FRS2: variants seen among roughly 807,000 people sequenced by gnomAD.
The protein encoded by FRS2 is FGFR signalling adaptor.
Under a neutral mutation model 43.9 loss-of-function variants are expected in FRS2, and 8 were observed. The ratio of observed to expected loss-of-function variants is 0.18; its 90% CI spans 0.11 to 0.33. The LOEUF (loss-of-function observed/expected upper bound fraction) is 0.33, where lower values mean the gene tolerates loss of function less well. FRS2 is among the 10% of genes least tolerant of loss of function. The pLI, the probability that FRS2 is intolerant of heterozygous loss-of-function variation, is 1.00. For synonymous variants in FRS2, 219 were observed against 220.3 expected, an observed-to-expected ratio of 0.99 and a Z score of 0.05; for missense variants, 534 against 627.6, an observed-to-expected ratio of 0.85 and a Z score of 1.59.
intron 1 of FRS2, among the ~76,000 whole-genome samples, chr12:69,516,281 C>T (rs575605659): frequency 2.0e-5 from 3 of 151,198 alleles, no homozygotes; most frequent in South Asian, 4.2e-4. Context: ...TGCAATGGCG[C>T]GATCTCGGCT....
intron 3 of FRS2, among the ~76,000 whole-genome samples, chr12:69,550,851 T>C (rs1477681601): frequency 6.6e-6 from 1 of 152,208 alleles, no homozygotes; most frequent in Non-Finnish European, 1.5e-5. Flanking sequence ...AAACCAATAT[T>C]CTTTGTAGCT....
chr12:69,569,404 T>G lies in FRS2; in HGVS notation c.66+308T>G, dbSNP rs574787112. On this transcript the variant is annotated intron_variant, in intron 5 of 8. Coordinates refer to ENST00000549921, the MANE Select transcript of FRS2 (RefSeq NM_001278356.2). The stretch of plus-strand genomic sequence containing the variant: ...CTGTCTTTCAGTTATTATTTTCATG[T>G]GTGCCTGTGTGATTTCTTAACTGGA... Among the ~76,000 whole-genome samples the G allele has an allele frequency of 4.8e-4, 73 of 152,322 alleles. No individual in the cohort carries two copies. In the Middle Eastern group the frequency reaches 0.01, roughly 21 times the overall value.
intron 3 of FRS2, among the ~76,000 whole-genome samples, chr12:69,554,285 A>T (rs919148579): frequency 2.0e-5 from 3 of 152,208 alleles, no homozygotes; most frequent in Non-Finnish European, 2.9e-5. Flanking sequence ...AATCCTTTTC[A>T]TTCTACCACC....
chr12:69,471,809 A>G (rs767693257), intron 1 of FRS2, among the ~76,000 whole-genome samples: 2 of 152,226 alleles, frequency 1.3e-5, no homozygotes, highest in Non-Finnish European at 2.9e-5. Context: ...CAGTGACGCT[A>G]TCTGCAACTC....
chr12:69,561,574 T>C (rs996001559), intron 3 of FRS2, among the ~76,000 whole-genome samples: 11 of 152,238 alleles, frequency 7.2e-5, no homozygotes, highest in Admixed American at 4.6e-4. Flanking sequence ...TTGAAATCTC[T>C]TGTAACTCTG....
rs751200668 is a variant in FRS2, at chr12:69,571,352, A to C, written c.330A>C (p.Ile110=). 1.9e-6 allele frequency: 3 copies of C among 1,610,386 alleles called. No homozygotes were observed. In the East Asian group the frequency reaches 6.7e-5, roughly 36 times the overall value. ...MLQEIMQNNS[I]NVVEEPVVER... is the part of the protein sequence containing the mutation. ...AAGAGATTATGCAAAATAATAGTAT[A>C]AATGTGGTGGAAGAGCCAGTTGTAG... The change falls in exon 7 of 9, where the codon ATA becomes ATC. Residue 110 remains isoleucine, a synonymous_variant. Transcript: ENST00000549921.
At chr12:69,541,220 G>A (rs1373357647) in intron 3 of FRS2, among the ~76,000 whole-genome samples, 4 of 152,122 alleles carry the variant, frequency 2.6e-5, no homozygotes, top group African/African-American at 7.2e-5. Context: ...TTTAGTAAAG[G>A]AGGATATCAG....
intron 1 of FRS2, among the ~76,000 whole-genome samples, chr12:69,515,595 ACACATACTCACACC>A (rs1310345553): frequency 6.6e-6 from 1 of 152,112 alleles, no homozygotes; most frequent in African/African-American, 2.4e-5. Context: ...TCACACACAT[ACACATACTCACACC>A]CACTCCTCGA....
intron 1 of FRS2, among the ~76,000 whole-genome samples, chr12:69,496,093 A>C (rs1342271628): frequency 6.6e-6 from 1 of 152,156 alleles, no homozygotes; most frequent in Non-Finnish European, 1.5e-5. Context: ...TTTTTTTGAT[A>C]AATGGTCAAA....
At chr12:69,540,929 A>G (rs1023921457) in intron 3 of FRS2, among the ~76,000 whole-genome samples, 5 of 152,206 alleles carry the variant, frequency 3.3e-5, no homozygotes, top group Admixed American at 2.6e-4. Flanking sequence ...AAATTCCAAG[A>G]GAGGAGAGGC....
At chr12:69,487,865 T>C (rs911163858) in intron 1 of FRS2, among the ~76,000 whole-genome samples, 3 of 152,182 alleles carry the variant, frequency 2.0e-5, no homozygotes, top group South Asian at 4.1e-4. Context: ...CCAGCTCTTA[T>C]AGATCTCTTT....
intron 3 of FRS2, among the ~76,000 whole-genome samples, chr12:69,553,261 C>T (rs111876684): frequency 3.3e-5 from 5 of 151,946 alleles, no homozygotes; most frequent in South Asian, 2.1e-4. Context: ...TTAGTAGAGA[C>T]GGGGTTTCAC....
chr12:69,505,337 A>G (rs60436216), intron 1 of FRS2, among the ~76,000 whole-genome samples: 1,564 of 152,338 alleles, frequency 0.01, 23 homozygotes, highest in African/African-American at 0.036. Context: ...GTGGTGGAAT[A>G]GTAGGATTCA....
In FRS2 at chr12:69,510,838, C is replaced by G. The variant is rs546271795; in HGVS notation, c.-260-20027C>G. ...TCTGTTTTTCATCTTTATGGGATAC[C>G]TGCTATAATAACATTAGTACCTGTG... On this transcript the variant is annotated intron_variant, in intron 1 of 8. Transcript: ENST00000549921. Among the ~76,000 whole-genome samples the G allele has an allele frequency of 7.9e-5, 12 of 152,134 alleles. No homozygotes were observed. In the South Asian group the frequency reaches 2.5e-3, roughly 32 times the overall value.
chr12:69,559,475 T>C (rs957690546), intron 3 of FRS2, among the ~76,000 whole-genome samples: 1 of 152,062 alleles, frequency 6.6e-6, no homozygotes, highest in Non-Finnish European at 1.5e-5. Flanking sequence ...TAAAGAAAGA[T>C]CTGTTTAGGA....
At chr12:69,498,892 T>G (rs965892353) in intron 1 of FRS2, among the ~76,000 whole-genome samples, 12 of 152,188 alleles carry the variant, frequency 7.9e-5, no homozygotes, top group African/African-American at 2.9e-4. Context: ...TTATTGAGCT[T>G]CTATTATGTA....
chr12:69,528,345 A>C (rs1876463209), intron 1 of FRS2, among the ~76,000 whole-genome samples: 1 of 152,212 alleles, frequency 6.6e-6, no homozygotes, highest in Non-Finnish European at 1.5e-5. Flanking sequence ...TAAAGGTAAC[A>C]GATAAATTTG....
At chr12:69,487,174 A>G (rs1319195663) in intron 1 of FRS2, among the ~76,000 whole-genome samples, 1 of 152,226 alleles carries the variant, frequency 6.6e-6, no homozygotes, top group East Asian at 1.9e-4. Flanking sequence ...ACTAATTTAG[A>G]TAATTGATGA....
At chr12:69,478,712 A>G (rs1871071474) in intron 1 of FRS2, among the ~76,000 whole-genome samples, 1 of 142,592 alleles carries the variant, frequency 7.0e-6, no homozygotes, top group Non-Finnish European at 1.5e-5. Flanking sequence ...TCTTACAAAG[A>G]CATACATCAT....
Sources: gnomAD v4.1 joint callset for allele counts (sites outside exome capture counted in the v4.1 genomes callset) on GRCh38, gnomAD v4.1.1 for gene constraint, MANE v1.5 for transcripts, NCBI Gene and HGNC (gene_info 2026-07-23, HGNC 2026-07-21) for gene names.